GALM: variants seen among roughly 807,000 people sequenced by gnomAD.
The protein encoded by GALM is aldose 1-epimerase.
GALM carries 43 observed loss-of-function variants against 37.4 expected under a neutral mutation model. The ratio of observed to expected loss-of-function variants is 1.15; its 90% CI spans 0.90 to 1.48. The LOEUF (loss-of-function observed/expected upper bound fraction) is 1.48. Ranked by LOEUF, GALM falls within the 40% of genes most tolerant of loss-of-function variation. The pLI, the probability that GALM is intolerant of heterozygous loss-of-function variation, is 0.00. For missense variants in GALM, 456 were observed against 419.1 expected, an observed-to-expected ratio of 1.09 and a Z score of -0.77; for synonymous variants, 199 against 170.6, an observed-to-expected ratio of 1.17 and a Z score of -1.30.
chr2:38,711,592 C>G lies in GALM; in HGVS notation c.635-17964C>G, dbSNP rs572649096. Among the ~76,000 whole-genome samples, 11 of 151,846 alleles carry G rather than the reference C, an allele frequency of 7.2e-5. No homozygotes were observed. In the South Asian group the frequency reaches 2.3e-3, roughly 32 times the overall value. On this transcript the variant is annotated intron_variant, in intron 4 of 6. Transcript: ENST00000272252. Reference sequence around the variant, plus strand: ...ATTATCATAATAATTATACTTAATACTTATGAGAGTTAGTATAGCAAGGTG... The same window carrying G: ...ATTATCATAATAATTATACTTAATAGTTATGAGAGTTAGTATAGCAAGGTG...
intron 4 of GALM, among the ~76,000 whole-genome samples, chr2:38,716,483 C>T (rs1666272800): frequency 1.3e-5 from 2 of 152,322 alleles, no homozygotes; most frequent in African/African-American, 2.4e-5. Flanking sequence ...ATAAGTAGAA[C>T]ATATTCTATA....
intron 4 of GALM, among the ~76,000 whole-genome samples, chr2:38,722,681 T>A (rs1259480333): frequency 6.6e-6 from 1 of 152,228 alleles, no homozygotes; most frequent in African/African-American, 2.4e-5. Flanking sequence ...CTGAGAGCTA[T>A]TTTGACAGCT....
At chr2:38,670,482 G>C (rs184441518) in intron 1 of GALM, among the ~76,000 whole-genome samples, 5 of 152,308 alleles carry the variant, frequency 3.3e-5, no homozygotes, top group Non-Finnish European at 5.9e-5. Context: ...CACCCTGGTG[G>C]GAGCATTGAA....
intron 4 of GALM, among the ~76,000 whole-genome samples, chr2:38,727,555 C>T (rs1440477002): frequency 6.6e-6 from 1 of 151,450 alleles, no homozygotes; most frequent in Non-Finnish European, 1.5e-5. Flanking sequence ...GGTGAAACCC[C>T]GTCTCTACTA....
At chr2:38,678,453 T>A (rs887292576) in intron 2 of GALM, among the ~76,000 whole-genome samples, 12 of 152,236 alleles carry the variant, frequency 7.9e-5, no homozygotes, top group African/African-American at 2.9e-4. Context: ...TAACCAATCA[T>A]ATTGGTTTAC....
intron 4 of GALM, among the ~76,000 whole-genome samples, chr2:38,710,670 G>T (rs748082133): frequency 3.3e-5 from 5 of 151,882 alleles, no homozygotes; most frequent in Non-Finnish European, 5.9e-5. Context: ...CTCCCAAAGC[G>T]CTGAGATTAC....
intron 4 of GALM, among the ~76,000 whole-genome samples, chr2:38,709,465 T>C (rs1572533850): frequency 2.6e-5 from 4 of 152,012 alleles, no homozygotes; most frequent in African/African-American, 4.8e-5. Context: ...GGTTTAGCAT[T>C]TTATGCTTCG....
Position 38,706,285 on chromosome 2 carries a change from G to C in GALM, c.634+16391G>C, listed in dbSNP as rs1451957759. On this transcript the variant is annotated intron_variant, in intron 4 of 6. Coordinates refer to ENST00000272252, the MANE Select transcript of GALM (RefSeq NM_138801.3). ...CCCAAAGTGCTGGGATTACAGGCGT[G>C]AGCCACCACACCCAGCTGGAATTTT... 1.4e-4 allele frequency among the ~76,000 whole-genome samples: 21 copies of C among 151,886 alleles called. 1 individual carries two copies. In the East Asian group the frequency reaches 4.1e-3, roughly 30 times the overall value.
intron 4 of GALM, among the ~76,000 whole-genome samples, chr2:38,718,479 G>A (rs566116688): frequency 6.6e-5 from 10 of 151,964 alleles, no homozygotes; most frequent in South Asian, 4.2e-4. Context: ...AATTACAAGC[G>A]TGAGCCACTG....
At chr2:38,675,507 T>G (rs1665222347) in intron 1 of GALM, among the ~76,000 whole-genome samples, 1 of 147,648 alleles carries the variant, frequency 6.8e-6, no homozygotes. Flanking sequence ...CAACACACCT[T>G]TGGATTGAGG....
chr2:38,668,948 T>C (rs1665022220), intron 1 of GALM: 1 of 152,176 alleles, frequency 6.6e-6, no homozygotes, highest in Non-Finnish European at 1.5e-5. Context: ...CAGAGTTAGA[T>C]ATGAACAATC....
intron 4 of GALM, among the ~76,000 whole-genome samples, chr2:38,716,248 C>T (rs1666267710): frequency 6.6e-6 from 1 of 152,216 alleles, no homozygotes; most frequent in South Asian, 2.1e-4. Context: ...CCAGCTTCTG[C>T]GCCTTTCGCG....
intron 4 of GALM, among the ~76,000 whole-genome samples, chr2:38,699,809 A>G (rs1448549967): frequency 1.3e-5 from 2 of 152,176 alleles, no homozygotes; most frequent in Non-Finnish European, 2.9e-5. Context: ...TATAATTTCA[A>G]TTATTTTAAA....
intron 4 of GALM, among the ~76,000 whole-genome samples, chr2:38,720,165 A>T (rs938587685): frequency 2.0e-5 from 3 of 152,062 alleles, no homozygotes; most frequent in African/African-American, 7.2e-5. Flanking sequence ...TTGAGCTGTG[A>T]TCATGCCACC....
intron 1 of GALM, among the ~76,000 whole-genome samples, chr2:38,675,555 G>T (rs1170603491): frequency 6.6e-4 from 55 of 83,676 alleles, no homozygotes; most frequent in East Asian, 3.9e-3. Context: ...GTGTGTGTGT[G>T]TGTGTGTGTG....
At chr2:38,722,052 C>CCCCCCCCCCCCCCCCCA (rs1666391057) in intron 4 of GALM, among the ~76,000 whole-genome samples, 1 of 121,570 alleles carries the variant, frequency 8.2e-6, no homozygotes, top group African/African-American at 2.9e-5. Context: ...CCCCCCCCCC[C>CCCCCCCCCCCCCCCCCA]ACCTAGAACA....
At chr2:38,707,271 C>T (rs1330678236) in intron 4 of GALM, among the ~76,000 whole-genome samples, 1 of 152,044 alleles carries the variant, frequency 6.6e-6, no homozygotes, top group Non-Finnish European at 1.5e-5. Flanking sequence ...CATACATCAG[C>T]GTGTACTTTG....
chr2:38,675,598 T>G, intron 1 of GALM, among the ~76,000 whole-genome samples: 1 of 137,830 alleles, frequency 7.3e-6, no homozygotes, highest in Non-Finnish European at 1.5e-5. Flanking sequence ...TGATGGAGTC[T>G]CGCTCTGTCG....
chr2:38,730,289 C>T (rs193050667), intron 5 of GALM, among the ~76,000 whole-genome samples: 58 of 152,256 alleles, frequency 3.8e-4, no homozygotes, highest in African/African-American at 1.3e-3. Flanking sequence ...GTGTGTGTGA[C>T]GGAGTCTTGC....
Sources: allele counts gnomAD v4.1 joint callset (sites outside exome capture counted in the v4.1 genomes callset), GRCh38; gene constraint gnomAD v4.1.1; transcripts MANE v1.5; gene names NCBI Gene and HGNC (gene_info 2026-07-23, HGNC 2026-07-21).